ATP13A5: variants seen among roughly 807,000 people sequenced by gnomAD.
The protein encoded by ATP13A5 is probable cation-transporting ATPase 13A5.
A neutral mutation model predicts 150.2 loss-of-function variants in ATP13A5; 149 were observed. The observed-to-expected ratio is 0.99, with a 90% confidence interval of 0.87 to 1.14. ATP13A5 has a LOEUF of 1.14. ATP13A5 is among the 50% of genes most tolerant of loss of function. The probability of loss-of-function intolerance (pLI) is 0.00; values close to 1 mark genes in which losing one functional copy is unlikely to be tolerated. For synonymous variants in ATP13A5, 497 were observed against 522.2 expected (o/e 0.95, Z 0.66); for missense variants, 1,383 against 1,449.3 (o/e 0.95, Z 0.74).
At chr3:193,360,693 T>G (rs1712971114) in intron 5 of ATP13A5, among the ~76,000 whole-genome samples, 1 of 152,098 alleles carries the variant, frequency 6.6e-6, no homozygotes, top group Non-Finnish European at 1.5e-5. Context: ...AGATTTTTTT[T>G]TGTGACGGAG....
At chr3:193,367,169 A>G (rs951221622) in intron 1 of ATP13A5, among the ~76,000 whole-genome samples, 2 of 152,016 alleles carry the variant, frequency 1.3e-5, no homozygotes, top group Non-Finnish European at 2.9e-5. Flanking sequence ...TTAAACCCCA[A>G]AAAAGTAAGG....
At chr3:193,288,146 T>C (rs1389001711) in intron 26 of ATP13A5, among the ~76,000 whole-genome samples, 1 of 152,138 alleles carries the variant, frequency 6.6e-6, no homozygotes, top group Non-Finnish European at 1.5e-5. Context: ...TGAGATGGAA[T>C]CTGCTCCTGG....
chr3:193,282,242 T>C (rs1717528677), intron 27 of ATP13A5, among the ~76,000 whole-genome samples: 1 of 152,178 alleles, frequency 6.6e-6, no homozygotes, highest in Non-Finnish European at 1.5e-5. Context: ...ATTCTGCTTG[T>C]AAAATACATT....
intron 17 of ATP13A5, among the ~76,000 whole-genome samples, chr3:193,318,189 T>C (rs1719123328): frequency 6.6e-6 from 1 of 152,204 alleles, no homozygotes; most frequent in Non-Finnish European, 1.5e-5. Context: ...TAACTTAGAG[T>C]CAATGGACTT....
In ATP13A5 at chr3:193,339,004, T is replaced by G. The variant is rs201953874; in HGVS notation, c.944-3905A>C. Reference sequence around the variant, plus strand: ...AGGAATTTATCAATTTCTTCTAGATTTTCTAGTTTATTTGCATAGAGGTGT... The same window carrying G: ...AGGAATTTATCAATTTCTTCTAGATGTTCTAGTTTATTTGCATAGAGGTGT... On this transcript the variant is annotated intron_variant, in intron 9 of 29. Transcript: ENST00000342358. Among the ~76,000 whole-genome samples, 196 of 152,310 alleles carry G rather than the reference T, an allele frequency of 1.3e-3. 2 individuals are homozygous for G. The highest frequency in any genetic ancestry group is 3.9e-4 in the East Asian group (2 of 5,188).
rs1251154498 is a variant in ATP13A5, at chr3:193,329,908, G to A, written c.1461+1215C>T. Among the ~76,000 whole-genome samples the A allele has an allele frequency of 2.0e-5, 3 of 152,162 alleles. No homozygotes were observed. In the East Asian group the frequency reaches 5.8e-4, roughly 29 times the overall value. On this transcript the variant is annotated intron_variant, in intron 12 of 29. Coordinates refer to ENST00000342358, the MANE Select transcript of ATP13A5 (RefSeq NM_198505.4). ...CTCCCCAGTTGCCCCTGGTGGGATA[G>A]AAAACACCTAAAGAAATGTCACCAG...
chr3:193,321,117 G>A (rs1443243288), intron 16 of ATP13A5, among the ~76,000 whole-genome samples: 3 of 151,954 alleles, frequency 2.0e-5, no homozygotes, highest in African/African-American at 7.3e-5. Flanking sequence ...CCCTATTCTG[G>A]CTCCTGATGC....
At chr3:193,346,900 G>A (rs891436485) in intron 7 of ATP13A5, among the ~76,000 whole-genome samples, 12 of 152,112 alleles carry the variant, frequency 7.9e-5, no homozygotes, top group East Asian at 5.8e-4. Flanking sequence ...TTAATGATGC[G>A]TAATAGTGGG....
In ATP13A5 at chr3:193,363,305, C is replaced by T; in HGVS notation, c.315G>A (p.Lys105=). 1.9e-6 allele frequency: 3 copies of T among 1,613,982 alleles called. No individual in the cohort carries two copies. Among genetic ancestry groups the T allele is most frequent in the Non-Finnish European group, 2.5e-6 (3 of 1,179,876 alleles). ...LSTLKFPVSK[K]WEESLVADRH... is the part of the protein sequence containing the mutation. Reference sequence around the variant, plus strand: ...GGTCAGCCACCAGGGATTCTTCCCACTTCTTGCTTACAGGAAACTTCAGTG... The same window carrying T: ...GGTCAGCCACCAGGGATTCTTCCCATTTCTTGCTTACAGGAAACTTCAGTG... Residue 105 remains lysine, a synonymous_variant, in exon 3 of 30, where the codon AAG becomes AAA. Transcript: ENST00000342358.
rs995020305 is a variant in ATP13A5 at position 193,279,433 on chromosome 3, A to G, written c.3248T>C (p.Leu1083Pro). Residue 1083 changes from leucine (L) to proline (P), a missense_variant, in exon 28 of 30, where the codon CTA becomes CCA. Around this residue, in one of 3 missense-constraint regions of ATP13A5, gnomAD observed 568 missense variants for 621.5 expected, o/e 0.91. Transcript: ENST00000342358. Reference protein sequence around the residue: ...YTNYIFSFLLLAALGLTIFIL... With the variant: ...YTNYIFSFLLPAALGLTIFIL... Reference sequence around the variant, plus strand: ...GAAAATTGTGAGGCCCAAGGCAGCTAGCAGCAGAAATGAAAATATATCTGA... The same window carrying G: ...GAAAATTGTGAGGCCCAAGGCAGCTGGCAGCAGAAATGAAAATATATCTGA... 13 of 1,613,700 alleles carry G rather than the reference A, an allele frequency of 8.1e-6. No homozygotes were observed. The highest frequency in any genetic ancestry group is 1.1e-5 in the Non-Finnish European group (13 of 1,179,636).
intron 26 of ATP13A5, among the ~76,000 whole-genome samples, 155 bp downstream of exon 26, chr3:193,289,730 T>C (rs1175766620): frequency 1.3e-5 from 2 of 151,788 alleles, no homozygotes; most frequent in African/African-American, 4.8e-5. Flanking sequence ...CAGTAGTCCA[T>C]GGATTAACTG....
intron 25 of ATP13A5, among the ~76,000 whole-genome samples, chr3:193,297,829 A>G (rs1308722287): frequency 6.6e-6 from 1 of 152,104 alleles, no homozygotes; most frequent in Non-Finnish European, 1.5e-5. Context: ...AAAAGCTCCA[A>G]ATAACTTGCT....
rs148150838 is a variant in ATP13A5 at position 193,290,060 on chromosome 3, C to T, written c.2849-1G>A. 2.5e-6 allele frequency: 4 copies of T among 1,591,616 alleles called. No individual in the cohort carries two copies. The African/African-American group carries it at 4.1e-5, about 16-fold the overall frequency. ...TTTGGGTAGGCATGAGTTGAACTCA[C>T]TGAAAGACAAATACATTTTTTTCCT... On this transcript the variant is annotated splice_acceptor_variant, in intron 25 of 29. Transcript: ENST00000342358. LOFTEE classifies it high-confidence loss of function.
At chr3:193,305,416 G>C in intron 23 of ATP13A5, 143 bp downstream of exon 23, 1 of 715,070 alleles carries the variant, frequency 1.4e-6, no homozygotes. Flanking sequence ...AACACTAATG[G>C]CCCCCTTCAT....
At position 193,351,185 on chromosome 3, in the gene ATP13A5, T is replaced by C. The variant is rs1248803220; in HGVS notation, c.623A>G (p.Tyr208Cys). 3.7e-6 allele frequency: 6 copies of C among 1,613,608 alleles called. No individual in the cohort carries two copies. Among genetic ancestry groups the C allele is most frequent in the East Asian group, 2.2e-5 (1 of 44,878 alleles). The change falls in exon 7 of 30, where the codon TAT (tyrosine) becomes TGT (cysteine). Residue 208 changes from tyrosine to cysteine, a missense_variant. This residue lies in a region of ATP13A5 where 787 missense variants were observed against 771.9 expected (regional missense o/e 1.02). Transcript: ENST00000342358. The stretch of plus-strand genomic sequence containing the variant: ...AGTTAGGGTGAAGGCTTGGAACACA[T>C]AGAATGGATTTAAAACCTGCAGGCA... ...LLVKQVLNPF[Y>C]VFQAFTLTLW...
chr3:193,365,362 C>T (rs933852346), intron 1 of ATP13A5, among the ~76,000 whole-genome samples: 1 of 152,078 alleles, frequency 6.6e-6, no homozygotes, highest in Non-Finnish European at 1.5e-5. Flanking sequence ...TGACCCTCAA[C>T]ACTATCATCC....
chr3:193,291,537 G>A (rs1249214263), intron 25 of ATP13A5, among the ~76,000 whole-genome samples: 1 of 152,032 alleles, frequency 6.6e-6, no homozygotes, highest in East Asian at 1.9e-4. Flanking sequence ...CTCAGGAAGG[G>A]TCCTGCCAAC....
intron 1 of ATP13A5, among the ~76,000 whole-genome samples, chr3:193,368,392 T>TTCTG (rs1553823591): frequency 2.0e-5 from 3 of 147,248 alleles, no homozygotes; most frequent in Non-Finnish European, 4.5e-5. Context: ...CTCTTCAGAC[T>TTCTG]TGTGTGTGTG....
chr3:193,284,985 G>A lies in ATP13A5; in HGVS notation c.3155C>T (p.Thr1052Ile). Residue 1052 changes from threonine (T) to isoleucine (I), a missense_variant, in exon 27 of 30, where the codon ACC becomes ATC. Physicochemically the swap from Thr to Ile is moderately conservative, Grantham distance 89. This residue lies in a region of ATP13A5 where 568 missense variants were observed against 621.5 expected (regional missense o/e 0.91). Coordinates refer to ENST00000342358, the MANE Select transcript of ATP13A5 (RefSeq NM_198505.4). The stretch of plus-strand genomic sequence containing the variant: ...GAATGCTACTGTGATATAGTTGATG[G>A]TGGTGATGGGCCACAGTGTGGTGGT... Reference protein sequence around the residue: ...FETTTLWPITTINYITVAFIF... With the variant: ...FETTTLWPITIINYITVAFIF... 1 of 1,614,068 alleles carries A rather than the reference G, an allele frequency of 6.2e-7. No individual in the cohort carries two copies. The highest frequency in any genetic ancestry group is 1.1e-5 in the South Asian group (1 of 91,074).
Sources: allele counts gnomAD v4.1 joint callset (sites outside exome capture counted in the v4.1 genomes callset), GRCh38; gene constraint gnomAD v4.1.1; regional missense constraint gnomAD v4.1.1; transcripts MANE v1.5; gene names NCBI Gene and HGNC (gene_info 2026-07-23, HGNC 2026-07-21).